Variants in TMPRSS4 observed in about 807,000 individuals in gnomAD.
The protein encoded by TMPRSS4 is transmembrane protease serine 4.
TMPRSS4 carries 45 observed loss-of-function variants against 56.4 expected under a neutral mutation model. The observed-to-expected ratio is 0.80, with a 90% CI of 0.63 to 1.02. The LOEUF is 1.02. TMPRSS4 is among the 50% of genes least tolerant of loss of function. The pLI, the probability that TMPRSS4 is intolerant of heterozygous loss-of-function variation, is 0.00. For missense variants in TMPRSS4, 546 were observed against 556.7 expected (o/e 0.98, Z 0.19); for synonymous variants, 205 against 211.0 (o/e 0.97, Z 0.25).
At position 118,077,149 on chromosome 11, in the gene TMPRSS4, C is replaced by A; in HGVS notation, c.-154C>A. The A allele has an allele frequency of 1.2e-6, 1 of 810,108 alleles. No homozygotes were observed. The highest frequency in any genetic ancestry group is 1.9e-6 in the Non-Finnish European group (1 of 523,846). The allele number at this position is 810,108 out of a possible 1,614,324, so 50.2% of individuals were successfully genotyped here. ...GGATGCTGGGCGTGAGGGACCAAGG[C>A]CTGCCCTGCACTCGGGCCTCCTCCA... On this transcript the variant is annotated 5_prime_UTR_variant, in exon 1 of 13. Transcript: ENST00000437212.
chr11:118,109,053 G>C (rs931862331), intron 7 of TMPRSS4, among the ~76,000 whole-genome samples, 157 bp downstream of exon 7: 11 of 152,152 alleles, frequency 7.2e-5, no homozygotes, highest in Non-Finnish European at 1.5e-4. Flanking sequence ...TCGAGTTGTT[G>C]GTGGCCTTGG....
At chr11:118,101,498 C>A (rs181297864) in intron 3 of TMPRSS4, among the ~76,000 whole-genome samples, 1 of 152,028 alleles carries the variant, frequency 6.6e-6, no homozygotes. Context: ...TTGTTTGAGA[C>A]AAGGTCTTGC....
chr11:118,099,592 A>G (rs1437161308), intron 3 of TMPRSS4, among the ~76,000 whole-genome samples: 1 of 152,182 alleles, frequency 6.6e-6, no homozygotes. Flanking sequence ...GACGGCTTCT[A>G]TCCCAGGTGA....
rs576707343 is a variant in TMPRSS4 at position 118,099,107 on chromosome 11, C to T, written c.157+9C>T. On this transcript the variant is annotated intron_variant, in intron 3 of 12. Transcript: ENST00000437212. Reference sequence around the variant, plus strand: ...CATTGTGGTTGTCCTCAGTAAGTGACAGCCCGTACCCGACTTTCACCCTCT... The same window carrying T: ...CATTGTGGTTGTCCTCAGTAAGTGATAGCCCGTACCCGACTTTCACCCTCT... 11 of 1,609,206 alleles carry T rather than the reference C, an allele frequency of 6.8e-6. No individual in the cohort carries two copies. The highest frequency in any genetic ancestry group is 1.1e-5 in the South Asian group (1 of 90,962).
At chr11:118,084,899 C>A (rs544719587) in intron 1 of TMPRSS4, among the ~76,000 whole-genome samples, 1 of 152,186 alleles carries the variant, frequency 6.6e-6, no homozygotes, top group African/African-American at 2.4e-5. Context: ...GTCCCTGCCT[C>A]AGAGTTCAGG....
rs756565924 is a variant in TMPRSS4 at position 118,113,278 on chromosome 11, C to T, written c.753C>T (p.Thr251=). 4.3e-6 allele frequency: 7 copies of T among 1,613,874 alleles called. No individual in the cohort carries two copies. Among genetic ancestry groups the T allele is most frequent in the East Asian group, 4.5e-5 (2 of 44,850 alleles). Residue 251 remains threonine (T), a synonymous_variant, in exon 9 of 13, where the codon ACC becomes ACT. Coordinates refer to ENST00000437212, the MANE Select transcript of TMPRSS4 (RefSeq NM_019894.4). ...CTGTCTCTACCCCCAGGAAACATAC[C>T]GATGTGTTCAACTGGAAGGTGCGGG... ...LTAAHCFRKH[T]DVFNWKVRAG...
Position 118,111,200 on chromosome 11 carries a change from C to T in TMPRSS4, c.584-541C>T, listed in dbSNP as rs532418309. Among the ~76,000 whole-genome samples, 55 of 152,236 alleles carry T rather than the reference C, an allele frequency of 3.6e-4. No homozygotes were observed. The South Asian group carries it at 0.011, about 30-fold the overall frequency. On this transcript the variant is annotated intron_variant, in intron 7 of 12. Coordinates refer to ENST00000437212, the MANE Select transcript of TMPRSS4 (RefSeq NM_019894.4). ...GGAGAGGGGGGACCTGAGGGCTTTA[C>T]AGGAGTTCCGGGGGTGGTGAGGGTG...
chr11:118,084,364 G>A (rs918296493), intron 1 of TMPRSS4, among the ~76,000 whole-genome samples: 2 of 152,182 alleles, frequency 1.3e-5, no homozygotes, highest in Admixed American at 6.5e-5. Context: ...ATGTGAGTGG[G>A]CAGGAAAGCA....
intron 1 of TMPRSS4, among the ~76,000 whole-genome samples, chr11:118,090,430 C>T (rs1224829245): frequency 6.6e-6 from 1 of 151,950 alleles, no homozygotes; most frequent in Non-Finnish European, 1.5e-5. Flanking sequence ...CTTTTGGTTT[C>T]AAACAGGGAT....
In TMPRSS4 at chr11:118,115,121, T is replaced by G; in HGVS notation, c.1010-17T>G. On this transcript the variant is annotated splice_polypyrimidine_tract_variant and intron_variant, in intron 10 of 12. Transcript: ENST00000437212. The stretch of plus-strand genomic sequence containing the variant: ...TAGAAGGCAAGGATGGGAATGTGAG[T>G]GTTTTTACCCTCCCAGGGAAGATGT... 6.2e-7 allele frequency: 1 copy of G among 1,605,016 alleles called. No individual in the cohort carries two copies. Among genetic ancestry groups the G allele is most frequent in the Middle Eastern group, 1.7e-4 (1 of 6,052 alleles).
rs1401486974 is a variant in TMPRSS4, at chr11:118,113,755, C to T, written c.910+320C>T. 7.9e-5 allele frequency among the ~76,000 whole-genome samples: 12 copies of T among 152,168 alleles called. No homozygotes were observed. In the South Asian group the frequency reaches 1.0e-3, roughly 13 times the overall value. On this transcript the variant is annotated intron_variant, in intron 9 of 12. Transcript: ENST00000437212. ...TTTAAAAAGATTATCGAGCTAATTC[C>T]CCACCACTGACCAACACGCAAGAGC...
At chr11:118,080,292 G>A (rs1278260153) in intron 1 of TMPRSS4, among the ~76,000 whole-genome samples, 1 of 152,218 alleles carries the variant, frequency 6.6e-6, no homozygotes, top group East Asian at 1.9e-4. Context: ...AGGGAAAGCA[G>A]GAAGGAGCTC....
intron 8 of TMPRSS4, among the ~76,000 whole-genome samples, chr11:118,112,630 T>G (rs956441658): frequency 2.0e-5 from 3 of 151,948 alleles, no homozygotes; most frequent in African/African-American, 7.3e-5. Context: ...TGACCTCAAG[T>G]GATCTGCCCA....
At chr11:118,104,638 GA>G in intron 4 of TMPRSS4, 52 bp from the exon 5 acceptor site, 1 of 1,613,088 alleles carries the variant, frequency 6.2e-7, no homozygotes, top group South Asian at 1.1e-5. Flanking sequence ...TTCTGAGGGG[GA>G]TGGGCCAGTT....
chr11:118,109,365 G>C (rs977202441), intron 7 of TMPRSS4, among the ~76,000 whole-genome samples: 1 of 152,238 alleles, frequency 6.6e-6, no homozygotes, highest in African/African-American at 2.4e-5. Context: ...TACCAGATGA[G>C]TGAAATAATT....
intron 2 of TMPRSS4, among the ~76,000 whole-genome samples, chr11:118,095,737 T>C (rs1946249731): frequency 1.3e-5 from 2 of 152,180 alleles, no homozygotes; most frequent in African/African-American, 4.8e-5. Context: ...GGAAGTCCAT[T>C]TGGCTCAGAG....
chr11:118,094,776 G>C (rs1351488234), intron 1 of TMPRSS4, 40 bp from the exon 2 acceptor site: 4 of 1,596,594 alleles, frequency 2.5e-6, no homozygotes, highest in Non-Finnish European at 3.4e-6. Context: ...CCCAGCCTGA[G>C]AGGCTCCCTG....
chr11:118,096,494 G>A (rs996153712), intron 2 of TMPRSS4, among the ~76,000 whole-genome samples: 1 of 152,148 alleles, frequency 6.6e-6, no homozygotes, highest in Non-Finnish European at 1.5e-5. Flanking sequence ...TGTAAGAAAG[G>A]TAGAAGGGGC....
At chr11:118,094,935 C>T in intron 2 of TMPRSS4, 80 bp downstream of exon 2, 1 of 1,466,992 alleles carries the variant, frequency 6.8e-7, no homozygotes, top group Non-Finnish European at 9.4e-7. Flanking sequence ...CCACTCGCGC[C>T]TGGCCCTCAC....
Sources: allele counts gnomAD v4.1 joint callset (sites outside exome capture counted in the v4.1 genomes callset), GRCh38; gene constraint gnomAD v4.1.1; transcripts MANE v1.5; gene names NCBI Gene and HGNC (gene_info 2026-07-23, HGNC 2026-07-21).